Variants in SLC41A3 observed in about 807,000 individuals in gnomAD.
SLC41A3 encodes SLC41A1-like 2.
SLC41A3 carries 44 observed loss-of-function variants against 45.4 expected under a neutral mutation model. That is an observed-to-expected ratio of 0.97 (90% confidence interval 0.76 to 1.25). The LOEUF is 1.25. Among genes scored for constraint, SLC41A3 ranks in the 50% most tolerant of loss-of-function variants. The probability of loss-of-function intolerance (pLI) is 0.00; values close to 1 mark genes in which losing one functional copy is unlikely to be tolerated. For missense variants in SLC41A3, 550 were observed against 600.6 expected (o/e 0.92, Z 0.88); for synonymous variants, 256 against 252.4 (o/e 1.01, Z -0.13).
In SLC41A3 at chr3:126,006,423, G is replaced by C. The variant is rs761684428; in HGVS notation, c.*593C>G. 1.9e-5 allele frequency: 30 copies of C among 1,590,696 alleles called. No individual in the cohort carries two copies. Among genetic ancestry groups the C allele is most frequent in the Non-Finnish European group, 2.6e-5 (30 of 1,163,502 alleles). Reference sequence around the variant, plus strand: ...TATTGAAATCTAAATAGAGGTTTTTGCTAACAAACAAAAAGGAAAATAAAA... The same window carrying C: ...TATTGAAATCTAAATAGAGGTTTTTCCTAACAAACAAAAAGGAAAATAAAA... On this transcript the variant is annotated 3_prime_UTR_variant, in exon 11 of 11. Coordinates refer to ENST00000360370, the MANE Select transcript of SLC41A3 (RefSeq NM_017836.4).
intron 3 of SLC41A3, among the ~76,000 whole-genome samples, chr3:126,038,041 C>T (rs1942330464): frequency 6.6e-6 from 1 of 152,220 alleles, no homozygotes; most frequent in Non-Finnish European, 1.5e-5. Flanking sequence ...AAGTCTTACA[C>T]CTTGGTGGCT....
intron 2 of SLC41A3, chr3:126,056,794 AG>A: frequency 7.5e-7 from 1 of 1,331,032 alleles, no homozygotes. Flanking sequence ...AGACTCTGCC[AG>A]GCCCTGCTGT....
At chr3:126,057,269 C>T (rs1022641910) in intron 2 of SLC41A3, 1 of 588,024 alleles carries the variant, frequency 1.7e-6, no homozygotes, top group Non-Finnish European at 2.1e-6. Flanking sequence ...TGTTCTCCCT[C>T]CATGGCCTGG....
intron 1 of SLC41A3, among the ~76,000 whole-genome samples, chr3:126,072,813 C>A (rs776795602): frequency 6.6e-6 from 1 of 152,186 alleles, no homozygotes; most frequent in Non-Finnish European, 1.5e-5. Flanking sequence ...TAAAGACACA[C>A]GCACAGGTAT....
At chr3:126,067,091 C>CCA in intron 2 of SLC41A3, among the ~76,000 whole-genome samples, 1 of 109,324 alleles carries the variant, frequency 9.1e-6, no homozygotes, top group Non-Finnish European at 1.9e-5. Context: ...GTGGGTTGGA[C>CCA]CGCCCCCCCG....
intron 10 of SLC41A3, among the ~76,000 whole-genome samples, chr3:126,007,518 G>A (rs796760488): frequency 7.9e-5 from 12 of 152,276 alleles, no homozygotes; most frequent in African/African-American, 2.4e-4. Context: ...TCTCTGCTGC[G>A]ATAGGCTCTA....
chr3:126,091,755 C>T (rs1945492146), intron 1 of SLC41A3, among the ~76,000 whole-genome samples: 1 of 152,176 alleles, frequency 6.6e-6, no homozygotes, highest in Admixed American at 6.5e-5. Context: ...GACAGCTTTG[C>T]AGGGCCACTT....
intron 1 of SLC41A3, chr3:126,095,436 A>G (rs1945579818): frequency 4.0e-6 from 2 of 494,038 alleles, no homozygotes; most frequent in East Asian, 3.5e-5. Context: ...AGCCAGTCAC[A>G]ATGAGTAATT....
chr3:126,048,281 AG>A (rs1426954038), intron 3 of SLC41A3, among the ~76,000 whole-genome samples: 8 of 152,186 alleles, frequency 5.3e-5, no homozygotes, highest in Non-Finnish European at 1.2e-4. Context: ...TTATTTGTAT[AG>A]GTTTTGCCCA....
At chr3:126,068,384 C>T in intron 1 of SLC41A3, 138 bp from the exon 2 acceptor site, 1 of 615,580 alleles carries the variant, frequency 1.6e-6, no homozygotes, top group Non-Finnish European at 2.5e-6. Context: ...GCACCTGCTC[C>T]ACCAGCCTCC....
In SLC41A3 at chr3:126,075,904, C is replaced by G. The variant is rs79391799; in HGVS notation, c.-27-7658G>C. On this transcript the variant is annotated intron_variant, in intron 1 of 10. Transcript: ENST00000360370. ...CTTAGAATGAAATACAGGTGTAAAT[C>G]CCAGGGACTTTGGATTAGGCAACAG... Among the ~76,000 whole-genome samples, 65 of 152,264 alleles carry G rather than the reference C, an allele frequency of 4.3e-4. No individual in the cohort carries two copies. In the East Asian group the frequency reaches 0.012, roughly 28 times the overall value.
intron 1 of SLC41A3, among the ~76,000 whole-genome samples, chr3:126,071,777 T>A (rs2108040419): frequency 6.6e-6 from 1 of 151,826 alleles, no homozygotes; most frequent in East Asian, 1.9e-4. Context: ...AACAACTTTT[T>A]TTTTTTTTTT....
At chr3:126,017,474 C>T (rs1284388297) in intron 6 of SLC41A3, among the ~76,000 whole-genome samples, 3 of 152,230 alleles carry the variant, frequency 2.0e-5, no homozygotes, top group Non-Finnish European at 2.9e-5. Context: ...TCTCCACTGG[C>T]GAGAGGCCAG....
chr3:126,014,576 T>C (rs539407838), intron 8 of SLC41A3, among the ~76,000 whole-genome samples: 2 of 152,366 alleles, frequency 1.3e-5, no homozygotes, highest in African/African-American at 2.4e-5. Context: ...GCTGTTCTCA[T>C]GCACAATGTG....
intron 6 of SLC41A3, among the ~76,000 whole-genome samples, chr3:126,022,196 T>C (rs1009501812): frequency 6.6e-6 from 1 of 152,246 alleles, no homozygotes; most frequent in African/African-American, 2.4e-5. Flanking sequence ...AGAACTGAAA[T>C]TGCCACAAAG....
intron 1 of SLC41A3, among the ~76,000 whole-genome samples, chr3:126,076,956 T>G (rs1355609015): frequency 2.6e-5 from 4 of 152,208 alleles, no homozygotes; most frequent in African/African-American, 9.6e-5. Context: ...CCCCACAATC[T>G]CTTCATCTAT....
At chr3:126,049,965 C>T (rs1256178969) in intron 3 of SLC41A3, among the ~76,000 whole-genome samples, 1 of 152,216 alleles carries the variant, frequency 6.6e-6, no homozygotes. Flanking sequence ...TATGCTGCTT[C>T]CACTACATGG....
chr3:126,098,925 CTTTTTT>C lies in SLC41A3; in HGVS notation c.-79+2498_-79+2503del, dbSNP rs57262035. ...TCCAGGAGGGATGGACATGACCTGGCTTTTTTTTTTTTTTTTTTTTTTGTATTTTTT... is the reference window on the plus strand; with the variant it reads ...TCCAGGAGGGATGGACATGACCTGGCTTTTTTTTTTTTTTTTGTATTTTTT... On this transcript the variant is annotated intron_variant, in intron 1 of 9. Transcript: ENST00000508835. Among the ~76,000 whole-genome samples, 155 of 109,636 alleles carry C rather than the reference CTTTTTT, an allele frequency of 1.4e-3. 1 individual carries two copies. Among genetic ancestry groups the C allele is most frequent in the Middle Eastern group, 4.9e-3 (1 of 204 alleles). 71.9% of individuals were successfully genotyped at this position (109,636 alleles called of 152,430 possible).
At chr3:126,023,106 C>G in intron 5 of SLC41A3, 174 bp from the exon 6 acceptor site, 2 of 835,266 alleles carry the variant, frequency 2.4e-6, no homozygotes, top group Non-Finnish European at 3.7e-6. Context: ...CCAGGCTGCC[C>G]TGACTTTCAG....
Sources: gnomAD v4.1 joint callset for allele counts (sites outside exome capture counted in the v4.1 genomes callset) on GRCh38, gnomAD v4.1.1 for gene constraint, MANE v1.5 for transcripts, NCBI Gene and HGNC (gene_info 2026-07-23, HGNC 2026-07-21) for gene names.